The following ZNF429 variants were observed in gnomAD, a reference collection of about 807,000 sequenced individuals.
The protein encoded by ZNF429 is zinc finger protein 429.
Under a neutral mutation model 56.8 loss-of-function variants are expected in ZNF429, and 53 were observed. That is an observed-to-expected ratio of 0.93 (90% CI 0.75 to 1.17). The LOEUF (loss-of-function observed/expected upper bound fraction) is 1.17. Among genes scored for constraint, ZNF429 ranks in the 50% most tolerant of loss-of-function variants. The probability of loss-of-function intolerance (pLI) is 0.00; values close to 1 mark genes in which losing one functional copy is unlikely to be tolerated. For missense variants in ZNF429, 849 were observed against 788.4 expected, an observed-to-expected ratio of 1.08 and a Z score of -0.92; for synonymous variants, 278 against 264.7, an observed-to-expected ratio of 1.05 and a Z score of -0.49.
chr19:21,537,879 C>G lies in ZNF429; in HGVS notation c.1826C>G (p.Thr609Ser), dbSNP rs767274576. 6.2e-7 allele frequency: 1 copy of G among 1,613,936 alleles called. No individual in the cohort carries two copies. Among genetic ancestry groups the G allele is most frequent in the African/African-American group, 1.3e-5 (1 of 74,984 alleles). ...GCTTTTAATCGGTCCTCAAGACTTA[C>G]TCAACATAAGAAAATTCATACTAGA... ...GKAFNRSSRL[T>S]QHKKIHTREK... is the part of the protein sequence containing the mutation. Residue 609 changes from threonine to serine, a missense_variant, in exon 4 of 4, where the codon ACT (threonine) becomes AGT (serine). Coordinates refer to ENST00000358491, the MANE Select transcript of ZNF429 (RefSeq NM_001001415.4).
chr19:21,534,244 CT>C, intron 3 of ZNF429, among the ~76,000 whole-genome samples: 1 of 152,096 alleles, frequency 6.6e-6, no homozygotes, highest in African/African-American at 2.4e-5. Context: ...TTTTTGACCC[CT>C]AAGCAAGAAA....
At position 21,505,617 on chromosome 19, in the gene ZNF429, TG is replaced by T. The variant is rs2032094127; in HGVS notation, c.-153del. On this transcript the variant is annotated 5_prime_UTR_variant, in exon 1 of 4. An upstream open reading frame in the 5' UTR loses its in-frame stop. Coordinates refer to ENST00000358491, the MANE Select transcript of ZNF429 (RefSeq NM_001001415.4). ...GAGCGACAGGACGGTTTCCGGAATA[TG>T]GCGGGGCGTTTGGCTCTTGCTGCAG... 1.6e-6 allele frequency: 1 copy of T among 637,744 alleles called. No homozygotes were observed. The highest frequency in any genetic ancestry group is 3.1e-5 in the Admixed American group (1 of 32,004). 39.5% of individuals were successfully genotyped at this position (637,744 alleles called of 1,614,324 possible). A position where few individuals can be genotyped will look rare whatever the true frequency, so the allele number is the denominator to read the frequency against.
chr19:21,506,439 CAAACAA>C (rs2032153554), intron 1 of ZNF429, among the ~76,000 whole-genome samples: 1 of 41,458 alleles, frequency 2.4e-5, no homozygotes, highest in African/African-American at 1.3e-4. Flanking sequence ...GAGACTATCT[CAAACAA>C]AAAAAAAAAA....
In ZNF429 at chr19:21,538,519, G is replaced by C. The variant is rs2033812052; in HGVS notation, c.*441G>C. 1 of 152,908 alleles carries C rather than the reference G, an allele frequency of 6.5e-6. No homozygotes were observed. Among genetic ancestry groups the C allele is most frequent in the Non-Finnish European group, 1.5e-5 (1 of 68,894 alleles). The allele number at this position is 152,908 out of a possible 1,614,324, so 9.5% of individuals were successfully genotyped here. On this transcript the variant is annotated 3_prime_UTR_variant, in exon 4 of 4. Coordinates refer to ENST00000358491, the MANE Select transcript of ZNF429 (RefSeq NM_001001415.4). ...GGAGGCTGAGGCAGGAGAATTGCTT[G>C]AACCTGGGAGCCAGAGGTAGCAGTG...
rs2033778872 is a variant in ZNF429 at position 21,537,951 on chromosome 19, C to G, written c.1898C>G (p.Ser633Cys). The change falls in exon 4 of 4, where the codon TCT (serine) becomes TGT (cysteine). Residue 633 changes from serine to cysteine, a missense_variant. By Grantham distance (112) the Ser-to-Cys change is moderately radical. Transcript: ENST00000358491. ...CEECAKAFTR[S>C]SRLTQHKKIH... ...GAATGTGCCAAAGCTTTTACCCGGT[C>G]TTCAAGACTTACTCAACATAAGAAA... The G allele has an allele frequency of 6.2e-7, 1 of 1,613,920 alleles. No homozygotes were observed. The highest frequency in any genetic ancestry group is 1.3e-5 in the African/African-American group (1 of 74,986).
In ZNF429 at chr19:21,536,540, T is replaced by C. The variant is rs2033680405; in HGVS notation, c.487T>C (p.Tyr163His). The C allele has an allele frequency of 1.9e-6, 3 of 1,613,210 alleles. No individual in the cohort carries two copies. In the East Asian group the frequency reaches 6.7e-5, roughly 36 times the overall value. The change falls in exon 4 of 4, where the codon TAC becomes CAC. Residue 163 changes from tyrosine to histidine, a missense_variant. Physicochemically the swap from Tyr to His is moderately conservative, Grantham distance 83. Transcript: ENST00000358491. ...VFYAFSNADRYKTRHTGKKPF... is the reference protein window; with the variant it reads ...VFYAFSNADRHKTRHTGKKPF... The stretch of plus-strand genomic sequence containing the variant: ...TTATGCATTTTCAAATGCAGATAGA[T>C]ACAAGACAAGACATACTGGAAAGAA...
At chr19:21,522,693 T>C (rs2033025369) in intron 1 of ZNF429, among the ~76,000 whole-genome samples, 1 of 151,866 alleles carries the variant, frequency 6.6e-6, no homozygotes, top group East Asian at 1.9e-4. Flanking sequence ...AGGTCAGGAG[T>C]TTGAGACCAG....
intron 1 of ZNF429, 100 bp from the exon 2 acceptor site, chr19:21,529,558 C>G: frequency 7.8e-7 from 1 of 1,286,584 alleles, no homozygotes; most frequent in Non-Finnish European, 1.0e-6. Flanking sequence ...TTTACTCTCT[C>G]ATTTCACCTT....
intron 1 of ZNF429, among the ~76,000 whole-genome samples, chr19:21,508,225 A>G (rs367848160): frequency 4.9e-4 from 74 of 151,398 alleles, no homozygotes; most frequent in African/African-American, 1.7e-3. Context: ...CCTGTGCAAC[A>G]CGAGTGAAAC....
intron 1 of ZNF429, among the ~76,000 whole-genome samples, chr19:21,509,151 G>A (rs2032329462): frequency 6.6e-6 from 1 of 151,930 alleles, no homozygotes; most frequent in Non-Finnish European, 1.5e-5. Flanking sequence ...TGGAACTACA[G>A]GCGCACACTG....
At chr19:21,520,308 C>G (rs2032945851) in intron 1 of ZNF429, among the ~76,000 whole-genome samples, 1 of 152,198 alleles carries the variant, frequency 6.6e-6, no homozygotes, top group South Asian at 2.1e-4. Context: ...GGTTCAGGGA[C>G]ATGTCCAGAG....
intron 1 of ZNF429, among the ~76,000 whole-genome samples, chr19:21,514,696 C>G (rs748664183): frequency 1.4e-4 from 21 of 151,916 alleles, no homozygotes; most frequent in Non-Finnish European, 2.6e-4. Context: ...CTCCCAGATT[C>G]AAGTGATTTC....
At chr19:21,526,342 C>T (rs546309183) in intron 1 of ZNF429, among the ~76,000 whole-genome samples, 3 of 152,088 alleles carry the variant, frequency 2.0e-5, no homozygotes, top group African/African-American at 2.4e-5. Context: ...CCACTCTTCC[C>T]CCAAAGTCCC....
chr19:21,523,886 C>G (rs559331065), intron 1 of ZNF429, among the ~76,000 whole-genome samples: 2 of 152,314 alleles, frequency 1.3e-5, no homozygotes, highest in East Asian at 3.9e-4. Flanking sequence ...TGCTCTAATA[C>G]CCAAGGATGC....
chr19:21,516,049 T>C (rs1002670411), intron 1 of ZNF429, among the ~76,000 whole-genome samples: 1 of 151,980 alleles, frequency 6.6e-6, no homozygotes, highest in Non-Finnish European at 1.5e-5. Flanking sequence ...TTTTTGTTTT[T>C]TTGTTTTTTT....
At position 21,529,969 on chromosome 19, in the gene ZNF429, G is replaced by A; in HGVS notation, c.130+185G>A. 2.2e-4 allele frequency among the ~76,000 whole-genome samples: 33 copies of A among 152,178 alleles called. 1 individual carries two copies. The South Asian group carries it at 3.9e-3, about 18-fold the overall frequency. ...TCCCAGCACTTTGGGAGGCCAAGGC[G>A]GGTGGATCACGAGGTCAGGAGACCA... On this transcript the variant is annotated intron_variant, in intron 2 of 3. Coordinates refer to ENST00000358491, the MANE Select transcript of ZNF429 (RefSeq NM_001001415.4).
At chr19:21,515,949 C>T (rs1249727189) in intron 1 of ZNF429, among the ~76,000 whole-genome samples, 6 of 152,110 alleles carry the variant, frequency 3.9e-5, no homozygotes, top group Admixed American at 2.0e-4. Flanking sequence ...TATGAGTCTG[C>T]TTTTGTACCA....
At chr19:21,529,589 C>T in intron 1 of ZNF429, 69 bp from the exon 2 acceptor site, 2 of 1,334,712 alleles carry the variant, frequency 1.5e-6, no homozygotes, top group East Asian at 3.0e-5. Flanking sequence ...AAAAATTCTA[C>T]CCATGGGCAC....
chr19:21,505,707 C>T lies in ZNF429; in HGVS notation c.-65C>T, dbSNP rs1407683556. The T allele has an allele frequency of 3.2e-6, 5 of 1,577,830 alleles. No individual in the cohort carries two copies. Among genetic ancestry groups the T allele is most frequent in the East Asian group, 2.3e-5 (1 of 44,050 alleles). ...GTTCTTAGAGGCCCAGCCTGTGTGG[C>T]CCTGTGACCCGCAGATATTGGGAGA... On this transcript the variant is annotated 5_prime_UTR_variant, in exon 1 of 4. Transcript: ENST00000358491.
Sources: gnomAD v4.1 joint callset for allele counts (sites outside exome capture counted in the v4.1 genomes callset) on GRCh38, gnomAD v4.1.1 for gene constraint, MANE v1.5 for transcripts, NCBI Gene and HGNC (gene_info 2026-07-23, HGNC 2026-07-21) for gene names.